The following PARVA variants were observed in gnomAD, a reference collection of about 807,000 sequenced individuals.
PARVA encodes alpha-parvin.
Under a neutral mutation model 52.6 loss-of-function variants are expected in PARVA, and 25 were observed. The observed-to-expected ratio is 0.48, with a 90% confidence interval of 0.35 to 0.66. The LOEUF is 0.66. Among genes scored for constraint, PARVA ranks in the 30% least tolerant of loss-of-function variants. PARVA has a pLI of 0.01. For synonymous variants in PARVA, 185 were observed against 179.1 expected (o/e 1.03, Z -0.26); for missense variants, 373 against 450.9 (o/e 0.83, Z 1.56).
intron 8 of PARVA, chr11:12,513,076 T>C: frequency 1.5e-6 from 1 of 681,164 alleles, no homozygotes; most frequent in Non-Finnish European, 2.7e-6. Context: ...AATCCAATAA[T>C]GTACACATGC....
intron 1 of PARVA, among the ~76,000 whole-genome samples, chr11:12,448,435 A>G (rs1196695878): frequency 6.6e-6 from 1 of 152,200 alleles, no homozygotes; most frequent in Non-Finnish European, 1.5e-5. Flanking sequence ...AGATGTCCAG[A>G]AAGGCAGGCT....
chr11:12,502,386 G>A (rs565091345), intron 5 of PARVA, among the ~76,000 whole-genome samples: 114 of 152,046 alleles, frequency 7.5e-4, no homozygotes, highest in Non-Finnish European at 1.1e-3. Flanking sequence ...TGGGCCTAGT[G>A]CATGCGAAGT....
chr11:12,506,007 A>G (rs563890352), intron 6 of PARVA, among the ~76,000 whole-genome samples: 1 of 152,338 alleles, frequency 6.6e-6, no homozygotes, highest in South Asian at 2.1e-4. Context: ...TAGTGACAGT[A>G]TCAATTATAA....
chr11:12,458,846 A>G (rs554574045), intron 1 of PARVA, among the ~76,000 whole-genome samples: 1 of 152,302 alleles, frequency 6.6e-6, no homozygotes, highest in South Asian at 2.1e-4. Context: ...AGTCGCCTTG[A>G]GACACTTTCT....
intron 4 of PARVA, among the ~76,000 whole-genome samples, chr11:12,490,349 C>A (rs1195159042): frequency 2.0e-5 from 3 of 151,662 alleles, no homozygotes; most frequent in Admixed American, 1.3e-4. Flanking sequence ...CATGGTGAAA[C>A]CCCATTTCTA....
chr11:12,473,002 T>C (rs374501550), intron 1 of PARVA, among the ~76,000 whole-genome samples: 151 of 152,286 alleles, frequency 9.9e-4, no homozygotes, highest in African/African-American at 3.6e-3. Context: ...TTTTTGTTTT[T>C]CTTTCTGAGG....
At chr11:12,385,112 G>A (rs1045747123) in intron 1 of PARVA, among the ~76,000 whole-genome samples, 5 of 152,110 alleles carry the variant, frequency 3.3e-5, no homozygotes, top group African/African-American at 1.2e-4. Flanking sequence ...GAAGTGGGTG[G>A]TTTGCTTGAG....
chr11:12,456,806 A>G (rs1484772188), intron 1 of PARVA, among the ~76,000 whole-genome samples: 1 of 152,052 alleles, frequency 6.6e-6, no homozygotes, highest in African/African-American at 2.4e-5. Flanking sequence ...GCTCCCATAG[A>G]GTACTATGCT....
At chr11:12,458,459 C>A (rs1455857019) in intron 1 of PARVA, among the ~76,000 whole-genome samples, 2 of 152,224 alleles carry the variant, frequency 1.3e-5, no homozygotes, top group African/African-American at 2.4e-5. Context: ...TTTTGCATGG[C>A]ATTGGCCTAG....
intron 7 of PARVA, among the ~76,000 whole-genome samples, chr11:12,511,184 A>G (rs1276505988): frequency 6.6e-6 from 1 of 152,210 alleles, no homozygotes; most frequent in Non-Finnish European, 1.5e-5. Context: ...CCCTGAGTCC[A>G]ATATTCTTTA....
chr11:12,444,588 G>A (rs1379153791), intron 1 of PARVA, among the ~76,000 whole-genome samples: 1 of 152,076 alleles, frequency 6.6e-6, no homozygotes, highest in East Asian at 1.9e-4. Flanking sequence ...GGGACTACAG[G>A]CATGCATCAC....
intron 3 of PARVA, among the ~76,000 whole-genome samples, chr11:12,474,430 C>T (rs562739066): frequency 6.6e-6 from 1 of 152,164 alleles, no homozygotes; most frequent in South Asian, 2.1e-4. Context: ...AAGTGACATA[C>T]TGTGCATTAC....
At chr11:12,460,496 C>T (rs1385755657) in intron 1 of PARVA, among the ~76,000 whole-genome samples, 2 of 152,158 alleles carry the variant, frequency 1.3e-5, no homozygotes, top group African/African-American at 4.8e-5. Flanking sequence ...CCCTCACCAT[C>T]ATCATCATCG....
At chr11:12,433,651 T>C (rs1024590222) in intron 1 of PARVA, among the ~76,000 whole-genome samples, 1 of 152,112 alleles carries the variant, frequency 6.6e-6, no homozygotes, top group African/African-American at 2.4e-5. Flanking sequence ...GAGAGAATAT[T>C]AGGATTGGCA....
At chr11:12,412,468 C>G (rs953513676) in intron 1 of PARVA, among the ~76,000 whole-genome samples, 1 of 152,170 alleles carries the variant, frequency 6.6e-6, no homozygotes, top group Non-Finnish European at 1.5e-5. Flanking sequence ...AAAGGACCAC[C>G]AGGGGGCTCC....
intron 1 of PARVA, among the ~76,000 whole-genome samples, chr11:12,385,108 G>A (rs1206094439): frequency 6.6e-6 from 1 of 152,094 alleles, no homozygotes; most frequent in Non-Finnish European, 1.5e-5. Context: ...AGGCGAAGTG[G>A]GTGGTTTGCT....
intron 5 of PARVA, among the ~76,000 whole-genome samples, chr11:12,496,975 C>T (rs945426910): frequency 8.5e-5 from 13 of 152,150 alleles, no homozygotes; most frequent in African/African-American, 3.1e-4. Context: ...ATTCACACAG[C>T]TGAGAAGCAG....
chr11:12,419,587 C>T (rs1474792785), intron 1 of PARVA, among the ~76,000 whole-genome samples: 1 of 152,156 alleles, frequency 6.6e-6, no homozygotes, highest in Admixed American at 6.5e-5. Context: ...CATGGGTGTA[C>T]AACTATATCT....
At chr11:12,380,709 T>C (rs1213747378) in intron 1 of PARVA, among the ~76,000 whole-genome samples, 1 of 141,858 alleles carries the variant, frequency 7.0e-6, no homozygotes, top group Non-Finnish European at 1.5e-5. Context: ...CATAGTACAG[T>C]TGTAGTGCAA....
Sources: allele counts gnomAD v4.1 joint callset (sites outside exome capture counted in the v4.1 genomes callset), GRCh38; gene constraint gnomAD v4.1.1; transcripts MANE v1.5; gene names NCBI Gene and HGNC (gene_info 2026-07-23, HGNC 2026-07-21).